Variants in ITGBL1 observed in about 807,000 individuals in gnomAD.
The protein encoded by ITGBL1 is integrin beta-like protein 1.
Under a neutral mutation model 68.5 loss-of-function variants are expected in ITGBL1, and 51 were observed. The observed-to-expected ratio is 0.74, with a 90% CI of 0.59 to 0.94. The LOEUF (loss-of-function observed/expected upper bound fraction) is 0.94, where lower values mean the gene tolerates loss of function less well. ITGBL1 is among the 40% of genes least tolerant of loss of function. The probability of loss-of-function intolerance (pLI) is 0.00; values close to 1 mark genes in which losing one functional copy is unlikely to be tolerated. For missense variants in ITGBL1, 649 were observed against 647.4 expected (o/e 1.00, Z -0.03); for synonymous variants, 209 against 227.3 (o/e 0.92, Z 0.72).
chr13:101,706,694 A>C (rs79991845), intron 8 of ITGBL1, 62 bp from the exon 9 acceptor site: 1 of 1,536,146 alleles, frequency 6.5e-7, no homozygotes, highest in Non-Finnish European at 8.9e-7. Context: ...CTTTCTTAAA[A>C]CTCTCTGCTT....
In ITGBL1 at chr13:101,536,426, T is replaced by C. The variant is rs79754600; in HGVS notation, c.317-31273T>C. On this transcript the variant is annotated intron_variant, in intron 2 of 10. Transcript: ENST00000376180. ...TATATAATTGTAAAATAAATAACCA[T>C]GAGGGCACGCATTTTCTTGAAAGCA... Among the ~76,000 whole-genome samples, 20 of 152,160 alleles carry C rather than the reference T, an allele frequency of 1.3e-4. No individual in the cohort carries two copies. The East Asian group carries it at 3.7e-3, about 28-fold the overall frequency.
At chr13:101,454,678 G>A (rs1257090152) in intron 2 of ITGBL1, among the ~76,000 whole-genome samples, 3 of 152,176 alleles carry the variant, frequency 2.0e-5, no homozygotes, top group Non-Finnish European at 4.4e-5. Flanking sequence ...GTGGGAGGGG[G>A]AATGTATTAT....
chr13:101,604,887 T>TATGTATATATATATATACACACAC lies in ITGBL1; in HGVS notation c.1015+6589_1015+6590insTGTATATATATATATACACACACA. On this transcript the variant is annotated intron_variant, in intron 7 of 10. Transcript: ENST00000376180. ...ATATATATATATATATATATATATA[T>TATGTATATATATATATACACACAC]ACACACACACACACATATATATGTG... Among the ~76,000 whole-genome samples the TATGTATATATATATATACACACAC allele has an allele frequency of 9.0e-4, 20 of 22,164 alleles. 1 individual carries two copies. Among genetic ancestry groups the TATGTATATATATATATACACACAC allele is most frequent in the African/African-American group, 3.0e-3 (20 of 6,634 alleles). 14.5% of individuals were successfully genotyped at this position (22,164 alleles called of 152,430 possible).
At chr13:101,470,195 C>T (rs768185856) in intron 2 of ITGBL1, among the ~76,000 whole-genome samples, 2 of 152,286 alleles carry the variant, frequency 1.3e-5, no homozygotes, top group East Asian at 1.9e-4. Flanking sequence ...TATTCTGTTA[C>T]CTTAGCTAAC....
intron 2 of ITGBL1, among the ~76,000 whole-genome samples, chr13:101,543,490 ATTTTTT>A (rs1253385968): frequency 6.6e-6 from 1 of 151,680 alleles, no homozygotes; most frequent in African/African-American, 2.4e-5. Flanking sequence ...TGCCCTTAAC[ATTTTTT>A]CCCTCATTTC....
intron 2 of ITGBL1, among the ~76,000 whole-genome samples, chr13:101,456,939 A>G (rs2048251725): frequency 6.6e-6 from 1 of 152,184 alleles, no homozygotes; most frequent in African/African-American, 2.4e-5. Context: ...GGACTCTGGG[A>G]GACAATTTCC....
At chr13:101,588,282 C>A (rs1184754042) in intron 6 of ITGBL1, among the ~76,000 whole-genome samples, 1 of 116,490 alleles carries the variant, frequency 8.6e-6, no homozygotes, top group African/African-American at 3.3e-5. Context: ...CAACACCAAG[C>A]ACTGTATTCT....
At chr13:101,703,631 G>A (rs2034186316) in intron 8 of ITGBL1, among the ~76,000 whole-genome samples, 1 of 152,188 alleles carries the variant, frequency 6.6e-6, no homozygotes, top group Non-Finnish European at 1.5e-5. Context: ...GGGAATGTTG[G>A]AGGTGGTTTC....
rs1594923703 is a variant in ITGBL1 at position 101,605,383 on chromosome 13, T to C, written c.1015+7084T>C. Among the ~76,000 whole-genome samples the C allele has an allele frequency of 4.7e-5, 7 of 150,488 alleles. 2 individuals are homozygous for C. The South Asian group carries it at 8.3e-4, about 18-fold the overall frequency. The stretch of plus-strand genomic sequence containing the variant: ...GTGTGCATATGCGTATATATACACA[T>C]ATATGGGCATGTATGTGTGTATATG... On this transcript the variant is annotated intron_variant, in intron 7 of 10. Coordinates refer to ENST00000376180, the MANE Select transcript of ITGBL1 (RefSeq NM_004791.3).
chr13:101,553,059 GT>G (rs918502278), intron 2 of ITGBL1, among the ~76,000 whole-genome samples: 4 of 152,230 alleles, frequency 2.6e-5, no homozygotes, highest in Non-Finnish European at 4.4e-5. Flanking sequence ...AAGTGGTCTT[GT>G]TTTTTAGACA....
intron 2 of ITGBL1, among the ~76,000 whole-genome samples, chr13:101,525,734 G>A (rs182371150): frequency 6.6e-6 from 1 of 152,130 alleles, no homozygotes; most frequent in East Asian, 1.9e-4. Flanking sequence ...TAGGGGATAT[G>A]TGCACACTTG....
At chr13:101,605,398 G>A (rs1301967528) in intron 7 of ITGBL1, among the ~76,000 whole-genome samples, 2 of 68,842 alleles carry the variant, frequency 2.9e-5, no homozygotes, top group Non-Finnish European at 5.3e-5. Context: ...GGGCATGTAT[G>A]TGTGTATATG....
intron 2 of ITGBL1, among the ~76,000 whole-genome samples, chr13:101,507,886 G>A (rs1188356007): frequency 1.3e-5 from 2 of 152,178 alleles, no homozygotes; most frequent in Non-Finnish European, 2.9e-5. Context: ...ATAGGGCATT[G>A]CTCGCAAGGG....
At chr13:101,649,329 C>G (rs781088530) in intron 7 of ITGBL1, among the ~76,000 whole-genome samples, 20 of 151,988 alleles carry the variant, frequency 1.3e-4, no homozygotes, top group Non-Finnish European at 2.8e-4. Context: ...ACAATAAAGT[C>G]CTGAAATCAG....
chr13:101,671,426 G>GTTTTTTT (rs66501713), intron 7 of ITGBL1, among the ~76,000 whole-genome samples: 2,733 of 112,400 alleles, frequency 0.024, 530 homozygotes, highest in East Asian at 0.059. Context: ...GTATACCTTT[G>GTTTTTTT]TTTTTTTTTT....
intron 6 of ITGBL1, among the ~76,000 whole-genome samples, chr13:101,595,299 A>C (rs1246285837): frequency 6.6e-6 from 1 of 152,084 alleles, no homozygotes; most frequent in African/African-American, 2.4e-5. Context: ...ACACTCTTTT[A>C]AACAATCAGA....
intron 7 of ITGBL1, among the ~76,000 whole-genome samples, chr13:101,605,808 A>G (rs1232882562): frequency 6.6e-6 from 1 of 150,610 alleles, no homozygotes; most frequent in Non-Finnish European, 1.5e-5. Flanking sequence ...ACTCGTGTGT[A>G]GACATGTATG....
At chr13:101,461,612 T>A (rs1302492589) in intron 2 of ITGBL1, among the ~76,000 whole-genome samples, 1 of 152,108 alleles carries the variant, frequency 6.6e-6, no homozygotes, top group South Asian at 2.1e-4. Context: ...GGAGGCTCAT[T>A]TGAGCATGGG....
intron 2 of ITGBL1, among the ~76,000 whole-genome samples, chr13:101,457,165 T>C (rs2048255750): frequency 6.6e-6 from 1 of 152,180 alleles, no homozygotes; most frequent in South Asian, 2.1e-4. Flanking sequence ...CATAATATTA[T>C]TACAATGATG....
Sources: allele counts gnomAD v4.1 joint callset (sites outside exome capture counted in the v4.1 genomes callset), GRCh38; gene constraint gnomAD v4.1.1; transcripts MANE v1.5; gene names NCBI Gene and HGNC (gene_info 2026-07-23, HGNC 2026-07-21).